The following CSMD1 variants were observed in gnomAD, a reference collection of about 807,000 sequenced individuals.
The protein encoded by CSMD1 is CUB and sushi domain-containing protein 1.
A neutral mutation model predicts 417.5 loss-of-function variants in CSMD1; 213 were observed. That is an observed-to-expected ratio of 0.51 (90% CI 0.46 to 0.57). The LOEUF is 0.57. Among genes scored for constraint, CSMD1 ranks in the 20% least tolerant of loss-of-function variants. CSMD1 has a pLI of 0.00. For missense variants in CSMD1, 6,923 were observed against 4,529.7 expected (o/e 1.53, Z -15.17); for synonymous variants, 2,862 against 1,736.8 (o/e 1.65, Z -16.11).
At chr8:4,723,899 T>G (rs570432802) in intron 1 of CSMD1, among the ~76,000 whole-genome samples, 2 of 152,182 alleles carry the variant, frequency 1.3e-5, no homozygotes, top group South Asian at 4.1e-4. Context: ...GAATGAGATT[T>G]GTCCTGCATA....
chr8:4,678,175 C>G (rs1805813304), intron 1 of CSMD1, among the ~76,000 whole-genome samples: 1 of 151,998 alleles, frequency 6.6e-6, no homozygotes, highest in Non-Finnish European at 1.5e-5. Flanking sequence ...CTTTAGGAGG[C>G]TGAGGCGTGT....
chr8:4,437,644 C>A (rs568314007), intron 2 of CSMD1, among the ~76,000 whole-genome samples: 10 of 152,182 alleles, frequency 6.6e-5, no homozygotes, highest in Admixed American at 2.6e-4. Context: ...ATCCCAGAGT[C>A]ACACAAAGGA....
At chr8:4,703,406 T>C (rs543537140) in intron 1 of CSMD1, among the ~76,000 whole-genome samples, 1 of 152,352 alleles carries the variant, frequency 6.6e-6, no homozygotes, top group Non-Finnish European at 1.5e-5. Context: ...ACATCATTTC[T>C]GTCACCTGTA....
chr8:4,487,083 C>CT (rs2130179922), intron 2 of CSMD1, among the ~76,000 whole-genome samples: 1 of 151,948 alleles, frequency 6.6e-6, no homozygotes, highest in South Asian at 2.1e-4. Context: ...AATTTTTTTT[C>CT]TTTTTGCCAT....
At chr8:3,981,064 G>T (rs555399566) in intron 5 of CSMD1, among the ~76,000 whole-genome samples, 2 of 152,230 alleles carry the variant, frequency 1.3e-5, no homozygotes, top group Admixed American at 6.5e-5. Flanking sequence ...AAAAACGCCC[G>T]TACTTGTAGT....
chr8:4,831,558 T>G (rs561064841), intron 1 of CSMD1, among the ~76,000 whole-genome samples: 1 of 152,278 alleles, frequency 6.6e-6, no homozygotes, highest in African/African-American at 2.4e-5. Context: ...CTCCAAGGGT[T>G]TAAGGAACTC....
intron 69 of CSMD1, among the ~76,000 whole-genome samples, chr8:2,940,945 C>T (rs183937064): frequency 6.6e-4 from 100 of 152,296 alleles, no homozygotes; most frequent in African/African-American, 2.3e-3. Context: ...AAAGAAGATA[C>T]ATTTTTGTGT....
intron 26 of CSMD1, among the ~76,000 whole-genome samples, chr8:3,254,056 G>T (rs1373881259): frequency 1.3e-5 from 2 of 152,286 alleles, no homozygotes; most frequent in South Asian, 2.1e-4. Flanking sequence ...AGGAGCTCTT[G>T]TAGGGCAGGC....
chr8:3,997,779 C>T (rs372512102), intron 5 of CSMD1, 124 bp downstream of exon 5: 1 of 829,142 alleles, frequency 1.2e-6, no homozygotes, highest in Non-Finnish European at 1.9e-6. Flanking sequence ...AAGAGCAAGG[C>T]GAAAAAAGGA....
intron 1 of CSMD1, among the ~76,000 whole-genome samples, chr8:4,950,148 T>C (rs2117278604): frequency 6.6e-6 from 1 of 152,276 alleles, no homozygotes; most frequent in East Asian, 1.9e-4. Context: ...TATGTTCCCA[T>C]GTAGCACACT....
chr8:3,026,675 G>A lies in CSMD1; in HGVS notation c.7855+2644C>T, dbSNP rs572034013. ...TCTGCCCTGTGAGACCGTGAGCAGA[G>A]GATCCAGCCAAAATGTGCCAGGTAT... is the stretch of plus-strand genomic sequence containing the variant. On this transcript the variant is annotated intron_variant, in intron 51 of 69. Transcript: ENST00000635120. Among the ~76,000 whole-genome samples the A allele has an allele frequency of 2.6e-5, 4 of 152,342 alleles. No homozygotes were observed. In the East Asian group the frequency reaches 5.8e-4, roughly 22 times the overall value.
Position 3,702,854 on chromosome 8 carries a change from C to G in CSMD1, c.1009+5560G>C, listed in dbSNP as rs1191777400. On this transcript the variant is annotated intron_variant, in intron 7 of 69. Coordinates refer to ENST00000635120, the MANE Select transcript of CSMD1 (RefSeq NM_033225.6). Reference sequence around the variant, plus strand: ...AATAACAAACAAATATATACAGTGTCAGTTTAATAATTTCTTTGGTATTGA... The same window carrying G: ...AATAACAAACAAATATATACAGTGTGAGTTTAATAATTTCTTTGGTATTGA... Among the ~76,000 whole-genome samples the G allele has an allele frequency of 2.6e-5, 4 of 152,124 alleles. No homozygotes were observed. The East Asian group carries it at 7.7e-4, about 29-fold the overall frequency.
At chr8:4,706,232 T>A (rs905504177) in intron 1 of CSMD1, among the ~76,000 whole-genome samples, 1 of 151,972 alleles carries the variant, frequency 6.6e-6, no homozygotes, top group Non-Finnish European at 1.5e-5. Context: ...TGCTAATTGT[T>A]TGAAAGTCCC....
chr8:4,026,547 A>G (rs151297071), intron 4 of CSMD1, among the ~76,000 whole-genome samples: 2 of 152,336 alleles, frequency 1.3e-5, no homozygotes, highest in African/African-American at 4.8e-5. Context: ...ATGAAGGAAA[A>G]TACTCTTGGC....
chr8:4,465,747 G>T (rs13252925), intron 2 of CSMD1, among the ~76,000 whole-genome samples: 1 of 152,102 alleles, frequency 6.6e-6, no homozygotes, highest in African/African-American at 2.4e-5. Flanking sequence ...ACTCTAGTTT[G>T]TAGGTCATCT....
intron 1 of CSMD1, among the ~76,000 whole-genome samples, chr8:4,923,617 C>T (rs1339112512): frequency 6.6e-6 from 1 of 152,058 alleles, no homozygotes; most frequent in East Asian, 1.9e-4. Flanking sequence ...AACATACACA[C>T]TACACTTGTA....
At chr8:4,327,177 T>G (rs1407574918) in intron 3 of CSMD1, among the ~76,000 whole-genome samples, 1 of 152,214 alleles carries the variant, frequency 6.6e-6, no homozygotes, top group Non-Finnish European at 1.5e-5. Flanking sequence ...CATTATTGTA[T>G]ATATAATGCA....
chr8:4,411,448 G>T (rs1330837907), intron 3 of CSMD1, among the ~76,000 whole-genome samples: 1 of 151,906 alleles, frequency 6.6e-6, no homozygotes, highest in Non-Finnish European at 1.5e-5. Context: ...TAATTACTTG[G>T]TTCTATTTTT....
At chr8:4,223,567 C>T (rs1692568934) in intron 3 of CSMD1, among the ~76,000 whole-genome samples, 1 of 152,208 alleles carries the variant, frequency 6.6e-6, no homozygotes, top group Admixed American at 6.5e-5. Context: ...CAAGGCAGGA[C>T]CTGTGTCACC....
Sources: gnomAD v4.1 joint callset for allele counts (sites outside exome capture counted in the v4.1 genomes callset) on GRCh38, gnomAD v4.1.1 for gene constraint, MANE v1.5 for transcripts, NCBI Gene and HGNC (gene_info 2026-07-23, HGNC 2026-07-21) for gene names.